The following RAD51B variants were observed in gnomAD, a reference collection of about 807,000 sequenced individuals.
RAD51B encodes the protein DNA repair protein RAD51 homolog 2.
RAD51B carries 38 observed loss-of-function variants against 42.2 expected under a neutral mutation model. The observed-to-expected ratio is 0.90, with a 90% CI of 0.70 to 1.18. RAD51B has a LOEUF of 1.18. Among genes scored for constraint, RAD51B ranks in the 50% most tolerant of loss-of-function variants. The pLI, the probability that RAD51B is intolerant of heterozygous loss-of-function variation, is 0.00. For synonymous variants in RAD51B, 154 were observed against 145.2 expected (o/e 1.06, Z -0.43); for missense variants, 373 against 400.7 (o/e 0.93, Z 0.59).
intron 7 of RAD51B, among the ~76,000 whole-genome samples, chr14:68,117,084 C>T (rs1433466339): frequency 6.6e-6 from 1 of 152,146 alleles, no homozygotes; most frequent in Non-Finnish European, 1.5e-5. Context: ...GACATTAAAA[C>T]ATTTATTCTG....
chr14:68,225,775 G>A (rs72727414), intron 7 of RAD51B, among the ~76,000 whole-genome samples: 2,405 of 152,224 alleles, frequency 0.016, 33 homozygotes, highest in Non-Finnish European at 0.025. Context: ...GAAGCTTAGC[G>A]GAACACAGTG....
At chr14:68,225,815 A>G (rs2080025537) in intron 7 of RAD51B, among the ~76,000 whole-genome samples, 1 of 152,232 alleles carries the variant, frequency 6.6e-6, no homozygotes, top group South Asian at 2.1e-4. Flanking sequence ...CCTGAGGACA[A>G]CACAAGAGGC....
At chr14:68,479,279 A>T (rs962320318), downstream of RAD51B, among the ~76,000 whole-genome samples, 1 of 152,224 alleles carries the variant, frequency 6.6e-6, no homozygotes, top group Non-Finnish European at 1.5e-5. Context: ...AATTTCAGAC[A>T]TCAAGGGACT....
At chr14:68,478,702 T>A (rs1402996110), downstream of RAD51B, among the ~76,000 whole-genome samples, 1 of 152,244 alleles carries the variant, frequency 6.6e-6, no homozygotes, top group Non-Finnish European at 1.5e-5. Context: ...TGCTCCTCCA[T>A]CAGAGATTTT....
chr14:68,549,378 T>G (rs1051268658), intron 10 of RAD51B, among the ~76,000 whole-genome samples: 1 of 150,738 alleles, frequency 6.6e-6, no homozygotes, highest in Non-Finnish European at 1.5e-5. Flanking sequence ...ATGTTAGCTC[T>G]TATCTAGTGC....
intron 4 of RAD51B, among the ~76,000 whole-genome samples, chr14:67,848,381 T>A (rs1184248812): frequency 6.6e-6 from 1 of 152,160 alleles, no homozygotes; most frequent in African/African-American, 2.4e-5. Context: ...TGGTTTAAAG[T>A]CTGTTTTATC....
At chr14:68,430,671 A>G (rs1350270606) in intron 9 of RAD51B, among the ~76,000 whole-genome samples, 2 of 152,234 alleles carry the variant, frequency 1.3e-5, no homozygotes, top group Non-Finnish European at 2.9e-5. Flanking sequence ...GGTTTTCTAC[A>G]TATACAATCA....
chr14:68,311,324 A>T (rs1233229244), intron 8 of RAD51B, among the ~76,000 whole-genome samples: 1 of 152,138 alleles, frequency 6.6e-6, no homozygotes, highest in Non-Finnish European at 1.5e-5. Context: ...CTTTTAAAAA[A>T]TTTTCAGGAA....
chr14:68,632,550 C>T (rs1595038494), intron 10 of RAD51B, among the ~76,000 whole-genome samples: 1 of 152,316 alleles, frequency 6.6e-6, no homozygotes, highest in East Asian at 1.9e-4. Flanking sequence ...GGGATTTAGC[C>T]TTATGGGGCC....
At chr14:68,326,593 T>C (rs998732681) in intron 8 of RAD51B, among the ~76,000 whole-genome samples, 3 of 152,228 alleles carry the variant, frequency 2.0e-5, no homozygotes, top group Non-Finnish European at 4.4e-5. Context: ...CTAAAGGCTT[T>C]TGATTATAAA....
At position 67,985,780 on chromosome 14, in the gene RAD51B, C is replaced by T. The variant is rs530706722; in HGVS notation, c.756+98576C>T. Among the ~76,000 whole-genome samples, 4 of 151,434 alleles carry T rather than the reference C, an allele frequency of 2.6e-5. No individual in the cohort carries two copies. The East Asian group carries it at 5.8e-4, about 22-fold the overall frequency. On this transcript the variant is annotated intron_variant, in intron 7 of 10. Coordinates refer to ENST00000471583, the MANE Select transcript of RAD51B (RefSeq NM_133510.4). ...CAAAAATTAGCTTGGTGTGGTGGTG[C>T]GTCCCTGTAGTCCCAGCTACTTGGG...
At chr14:68,121,844 A>C (rs973010500) in intron 7 of RAD51B, among the ~76,000 whole-genome samples, 2 of 152,128 alleles carry the variant, frequency 1.3e-5, no homozygotes, top group African/African-American at 4.8e-5. Flanking sequence ...AAAATGTATT[A>C]AGCTACAATA....
intron 7 of RAD51B, among the ~76,000 whole-genome samples, chr14:67,990,451 C>T (rs1291478619): frequency 6.6e-6 from 1 of 152,048 alleles, no homozygotes; most frequent in Non-Finnish European, 1.5e-5. Context: ...TTCTTTTTGC[C>T]ATACAACCCG....
chr14:67,978,187 TA>T (rs2075029569), intron 7 of RAD51B, among the ~76,000 whole-genome samples: 1 of 152,180 alleles, frequency 6.6e-6, no homozygotes, highest in Non-Finnish European at 1.5e-5. Flanking sequence ...GGTGTTTATA[TA>T]AAAAAGATTT....
chr14:68,447,348 AT>A (rs760092978), intron 9 of RAD51B, among the ~76,000 whole-genome samples: 5 of 152,190 alleles, frequency 3.3e-5, no homozygotes, highest in Non-Finnish European at 7.3e-5. Flanking sequence ...AGTAGAGATA[AT>A]TTCTGATTAC....
intron 7 of RAD51B, among the ~76,000 whole-genome samples, chr14:68,233,400 C>T (rs1404139045): frequency 2.0e-5 from 3 of 152,150 alleles, no homozygotes; most frequent in Admixed American, 6.5e-5. Context: ...TATCATGAAG[C>T]TTATTTTAGA....
intron 7 of RAD51B, among the ~76,000 whole-genome samples, chr14:68,177,510 G>A (rs908616088): frequency 2.0e-5 from 3 of 151,998 alleles, no homozygotes; most frequent in Admixed American, 6.6e-5. Flanking sequence ...AAAAACATGC[G>A]ATCACATGTG....
chr14:68,367,362 T>G (rs2083163583), intron 8 of RAD51B, among the ~76,000 whole-genome samples: 1 of 152,222 alleles, frequency 6.6e-6, no homozygotes, highest in African/African-American at 2.4e-5. Flanking sequence ...TGAGACAGAC[T>G]TACGTATTTA....
intron 7 of RAD51B, among the ~76,000 whole-genome samples, chr14:68,007,886 CA>C (rs2075617431): frequency 6.6e-6 from 1 of 151,544 alleles, no homozygotes; most frequent in South Asian, 2.1e-4. Context: ...GGAAGAAAAA[CA>C]AGTAGCTAAT....
Sources: allele counts gnomAD v4.1 joint callset (sites outside exome capture counted in the v4.1 genomes callset), GRCh38; gene constraint gnomAD v4.1.1; transcripts MANE v1.5; gene names NCBI Gene and HGNC (gene_info 2026-07-23, HGNC 2026-07-21).